Variants in NRG1 observed in about 807,000 individuals in gnomAD.
NRG1 encodes the protein neuregulin 1, also known as pro-neuregulin-1, membrane-bound isoform.
NRG1 carries 18 observed loss-of-function variants against 63.8 expected under a neutral mutation model. The ratio of observed to expected loss-of-function variants is 0.28; its 90% CI spans 0.19 to 0.42. The LOEUF is 0.42. NRG1 is among the 10% of genes least tolerant of loss of function. The pLI is 1.00. For missense variants in NRG1, 762 were observed against 814.7 expected (o/e 0.94, Z 0.79); for synonymous variants, 302 against 301.3 (o/e 1.00, Z -0.02).
At chr8:31,787,223 C>G (rs539243207) in intron 1 of NRG1, among the ~76,000 whole-genome samples, 1 of 152,286 alleles carries the variant, frequency 6.6e-6, no homozygotes, top group South Asian at 2.1e-4. Context: ...ACCAGCAAAG[C>G]AGTTGCATTT....
intron 1 of NRG1, among the ~76,000 whole-genome samples, chr8:32,487,642 T>G (rs1826066369): frequency 6.6e-6 from 1 of 152,224 alleles, no homozygotes; most frequent in Non-Finnish European, 1.5e-5. Context: ...CGCATCTGTA[T>G]GCCTATTCCC....
chr8:32,091,096 G>C (rs529788278), intron 1 of NRG1, among the ~76,000 whole-genome samples: 1 of 152,002 alleles, frequency 6.6e-6, no homozygotes, highest in Non-Finnish European at 1.5e-5. Flanking sequence ...TGGCTAACAC[G>C]GTGAAACCTG....
intron 1 of NRG1, among the ~76,000 whole-genome samples, chr8:32,110,869 T>C (rs1476442169): frequency 1.3e-5 from 2 of 152,178 alleles, no homozygotes; most frequent in Non-Finnish European, 2.9e-5. Context: ...CTTGCCTGAT[T>C]ATACAAAAGC....
chr8:31,740,651 G>A (rs1187671838), intron 1 of NRG1, among the ~76,000 whole-genome samples: 3 of 151,598 alleles, frequency 2.0e-5, no homozygotes, highest in African/African-American at 7.3e-5. Flanking sequence ...CGATGTGTGT[G>A]TATGTACCTG....
chr8:32,030,316 G>A (rs997083350), intron 1 of NRG1: 1 of 152,126 alleles, frequency 6.6e-6, no homozygotes, highest in Non-Finnish European at 1.5e-5. Context: ...ATGACAATTT[G>A]GGTTTGGGAA....
chr8:32,247,556 T>A (rs1051013992), intron 1 of NRG1, among the ~76,000 whole-genome samples: 1 of 152,108 alleles, frequency 6.6e-6, no homozygotes, highest in African/African-American at 2.4e-5. Flanking sequence ...GCAATAGATA[T>A]CACTTAGGAA....
At chr8:32,399,367 T>G (rs540171743) in intron 1 of NRG1, among the ~76,000 whole-genome samples, 1 of 152,360 alleles carries the variant, frequency 6.6e-6, no homozygotes, top group Non-Finnish European at 1.5e-5. Context: ...TAATCTGTGA[T>G]TTTGATTTTC....
chr8:32,042,362 A>C (rs1586682746), intron 1 of NRG1, among the ~76,000 whole-genome samples: 1 of 152,182 alleles, frequency 6.6e-6, no homozygotes, highest in East Asian at 1.9e-4. Flanking sequence ...CTTAGGCAGG[A>C]GGATTACTTG....
intron 1 of NRG1, among the ~76,000 whole-genome samples, chr8:31,875,407 A>C (rs914464879): frequency 6.6e-6 from 1 of 152,224 alleles, no homozygotes; most frequent in East Asian, 1.9e-4. Context: ...AGGCCACTTT[A>C]TAATGAATTT....
intron 5 of NRG1, among the ~76,000 whole-genome samples, chr8:32,726,524 G>T (rs1417922785): frequency 6.6e-6 from 1 of 151,912 alleles, no homozygotes; most frequent in African/African-American, 2.4e-5. Context: ...GCTGTTATTC[G>T]AAAAAGCCAT....
intron 7 of NRG1, among the ~76,000 whole-genome samples, chr8:32,746,045 A>G: frequency 6.6e-6 from 1 of 152,164 alleles, no homozygotes; most frequent in East Asian, 1.9e-4. Context: ...ATCTTGCTAA[A>G]AGTAGAATAG....
At chr8:32,192,332 G>A (rs1327573360) in intron 1 of NRG1, among the ~76,000 whole-genome samples, 2 of 152,052 alleles carry the variant, frequency 1.3e-5, no homozygotes, top group South Asian at 2.1e-4. Context: ...ACAAAGACAT[G>A]AAATCCACCT....
At chr8:32,648,404 G>A (rs376092420) in intron 5 of NRG1, 381 of 1,607,612 alleles carry the variant, frequency 2.4e-4, no homozygotes, top group Middle Eastern at 5.0e-4. Flanking sequence ...GAGAGAGAGA[G>A]AGACGATGAT....
intron 5 of NRG1, among the ~76,000 whole-genome samples, chr8:32,668,639 A>G (rs1355819051): frequency 6.6e-6 from 1 of 152,364 alleles, no homozygotes; most frequent in Non-Finnish European, 1.5e-5. Context: ...AATTATACCA[A>G]CTATTAATTT....
chr8:32,065,824 T>C (rs1191866114), intron 1 of NRG1, among the ~76,000 whole-genome samples: 1 of 152,188 alleles, frequency 6.6e-6, no homozygotes, highest in Non-Finnish European at 1.5e-5. Context: ...TGTTCCTATT[T>C]CTCCACATCC....
chr8:32,518,002 G>T (rs376162788), intron 1 of NRG1, among the ~76,000 whole-genome samples: 34 of 152,102 alleles, frequency 2.2e-4, no homozygotes, highest in South Asian at 6.2e-4. Flanking sequence ...GCAGGGGAAT[G>T]CTGTGTTGTT....
At chr8:32,091,226 T>G (rs1297017235) in intron 1 of NRG1, among the ~76,000 whole-genome samples, 4 of 148,376 alleles carry the variant, frequency 2.7e-5, no homozygotes, top group Non-Finnish European at 5.9e-5. Flanking sequence ...TGCAGTGAGC[T>G]GAGATCACGC....
At chr8:31,683,112 CATACCTGGGCTA>C (rs1554504856) in intron 1 of NRG1, among the ~76,000 whole-genome samples, 1 of 152,152 alleles carries the variant, frequency 6.6e-6, no homozygotes, top group Non-Finnish European at 1.5e-5. Context: ...TAGAGCCTAA[CATACCTGGGCTA>C]AGAGAAAGGA....
At chr8:32,579,251 A>G (rs1840226135) in intron 1 of NRG1, among the ~76,000 whole-genome samples, 1 of 142,424 alleles carries the variant, frequency 7.0e-6, no homozygotes, top group Non-Finnish European at 1.5e-5. Flanking sequence ...AAGCATTCAT[A>G]AATTATGTTT....
Sources: gnomAD v4.1 joint callset for allele counts (sites outside exome capture counted in the v4.1 genomes callset) on GRCh38, gnomAD v4.1.1 for gene constraint, MANE v1.5 for transcripts, NCBI Gene and HGNC (gene_info 2026-07-23, HGNC 2026-07-21) for gene names.